PPP1R9A: variants seen among roughly 807,000 people sequenced by gnomAD.
PPP1R9A encodes the protein protein phosphatase 1 regulatory subunit 9A.
In PPP1R9A, 59 loss-of-function variants were observed where a neutral mutation model predicts 141.9. That is an observed-to-expected ratio of 0.42 (90% CI 0.34 to 0.52). PPP1R9A has a LOEUF of 0.52. Among genes scored for constraint, PPP1R9A ranks in the 20% least tolerant of loss-of-function variants. The pLI, the probability that PPP1R9A is intolerant of heterozygous loss-of-function variation, is 0.10. For synonymous variants in PPP1R9A, 500 were observed against 569.7 expected (o/e 0.88, Z 1.74); for missense variants, 1,444 against 1,611.9 (o/e 0.90, Z 1.78).
Position 95,082,521 on chromosome 7 carries a change from C to T in PPP1R9A, c.1396-28738C>T, listed in dbSNP as rs923424501. Among the ~76,000 whole-genome samples, 22 of 151,856 alleles carry T rather than the reference C, an allele frequency of 1.4e-4. 1 individual carries two copies. Among genetic ancestry groups the T allele is most frequent in the African/African-American group, 5.1e-4 (21 of 41,182 alleles). On this transcript the variant is annotated intron_variant, in intron 2 of 19. Coordinates refer to ENST00000433360, the MANE Select transcript of PPP1R9A (RefSeq NM_001166160.2). ...TTGGGAGGCCAAGTCAGGAGAACTGCTAGAGGCTTGGAGTGGGAGACCAGC... is the reference window on the plus strand; with the variant it reads ...TTGGGAGGCCAAGTCAGGAGAACTGTTAGAGGCTTGGAGTGGGAGACCAGC...
Position 95,226,126 on chromosome 7 carries a change from T to G in PPP1R9A, c.2112+10T>G. 6.2e-7 allele frequency: 1 copy of G among 1,606,270 alleles called. No individual in the cohort carries two copies. ...TCACAAGTTCAAAGAGGTATGCCAC[T>G]AAGCTGCAAAATATTTCTTTATGCC... On this transcript the variant is annotated intron_variant, in intron 8 of 19. Transcript: ENST00000433360.
intron 4 of PPP1R9A, among the ~76,000 whole-genome samples, chr7:95,140,536 A>G (rs1245935862): frequency 6.6e-6 from 1 of 152,006 alleles, no homozygotes; most frequent in Non-Finnish European, 1.5e-5. Context: ...GACTACAGGC[A>G]TGCCATTGTG....
intron 2 of PPP1R9A, among the ~76,000 whole-genome samples, chr7:94,927,116 G>C (rs1013960574): frequency 1.3e-5 from 2 of 152,046 alleles, no homozygotes; most frequent in African/African-American, 2.4e-5. Flanking sequence ...GGAAGAGAAT[G>C]GTTAAGCTGT....
intron 5 of PPP1R9A, among the ~76,000 whole-genome samples, chr7:95,163,186 T>C (rs1563338072): frequency 1.3e-5 from 2 of 152,360 alleles, no homozygotes; most frequent in East Asian, 3.9e-4. Context: ...CATTTCTCAG[T>C]TGGAAAAGAA....
intron 3 of PPP1R9A, among the ~76,000 whole-genome samples, chr7:95,120,090 G>T (rs1822282870): frequency 1.3e-5 from 2 of 151,308 alleles, no homozygotes; most frequent in Admixed American, 1.3e-4. Context: ...CCAAGTAGCT[G>T]GGACTACAAG....
chr7:95,033,209 T>C (rs540109998), intron 2 of PPP1R9A, among the ~76,000 whole-genome samples: 1 of 148,772 alleles, frequency 6.7e-6, no homozygotes, highest in South Asian at 2.1e-4. Flanking sequence ...AGAGACGGGT[T>C]TTCACCGTGT....
At chr7:95,253,232 A>G (rs1036509711) in intron 12 of PPP1R9A, among the ~76,000 whole-genome samples, 1 of 152,210 alleles carries the variant, frequency 6.6e-6, no homozygotes, top group African/African-American at 2.4e-5. Flanking sequence ...GACAGGACCG[A>G]CAACTCAGAG....
intron 16 of PPP1R9A, among the ~76,000 whole-genome samples, chr7:95,283,092 G>A (rs2285694): frequency 0.079 from 11,964 of 152,026 alleles, 559 homozygotes; most frequent in Admixed American, 0.12. Context: ...TCCATCAAAC[G>A]GCAAGGGTGA....
At chr7:95,160,541 G>A (rs897182826) in intron 4 of PPP1R9A, among the ~76,000 whole-genome samples, 1 of 148,976 alleles carries the variant, frequency 6.7e-6, no homozygotes, top group Non-Finnish European at 1.5e-5. Flanking sequence ...TTGTATTTTT[G>A]ATTCAGGGGG....
intron 2 of PPP1R9A, among the ~76,000 whole-genome samples, chr7:94,939,335 G>A (rs188803515): frequency 1.1e-3 from 173 of 152,184 alleles, no homozygotes; most frequent in African/African-American, 3.9e-3. Flanking sequence ...TATTATTATG[G>A]CAGCACTTAC....
chr7:95,111,467 C>CT lies in PPP1R9A; in HGVS notation c.1528+82dup, dbSNP rs549307170. On this transcript the variant is annotated intron_variant, in intron 3 of 19. Coordinates refer to ENST00000433360, the MANE Select transcript of PPP1R9A (RefSeq NM_001166160.2). ...CAGAATTATTTTTCCAAAATGTAGC[C>CT]TTTTTTCTAAGGATTGGATAAAATT... 1,192 of 1,360,842 alleles carry CT rather than the reference C, an allele frequency of 8.8e-4. 5 individuals are homozygous for CT. Among genetic ancestry groups the CT allele is most frequent in the East Asian group, 1.0e-3 (43 of 41,224 alleles). The allele number at this position is 1,360,842 out of a possible 1,614,324, so 84.3% of individuals were successfully genotyped here. A position where few individuals can be genotyped will look rare whatever the true frequency, so the allele number is the denominator to read the frequency against.
chr7:95,020,025 C>A (rs764754841), intron 2 of PPP1R9A, among the ~76,000 whole-genome samples: 10 of 148,264 alleles, frequency 6.7e-5, no homozygotes, highest in Non-Finnish European at 1.2e-4. Flanking sequence ...TCAAAAGGAA[C>A]AAATGGCTAT....
chr7:94,971,687 A>G (rs76305587), intron 2 of PPP1R9A, among the ~76,000 whole-genome samples: 10,895 of 152,246 alleles, frequency 0.072, 520 homozygotes, highest in African/African-American at 0.14. Context: ...ATTGCAGGTC[A>G]GCGGAGAAGC....
At chr7:94,964,310 A>G (rs866564722) in intron 2 of PPP1R9A, among the ~76,000 whole-genome samples, 1 of 151,790 alleles carries the variant, frequency 6.6e-6, no homozygotes. Flanking sequence ...ATTATCTGGG[A>G]GTGTATGGTT....
At chr7:95,009,888 C>T (rs1033199840) in intron 2 of PPP1R9A, among the ~76,000 whole-genome samples, 1 of 151,996 alleles carries the variant, frequency 6.6e-6, no homozygotes, top group Non-Finnish European at 1.5e-5. Flanking sequence ...AAAATAGTTC[C>T]TCAGGTTTTG....
At chr7:95,061,539 C>T (rs909445707) in intron 2 of PPP1R9A, among the ~76,000 whole-genome samples, 3 of 151,986 alleles carry the variant, frequency 2.0e-5, no homozygotes, top group Admixed American at 6.6e-5. Context: ...AGTTTGAGAC[C>T]AGGCTGGGCA....
chr7:95,065,807 A>G (rs1812859930), intron 2 of PPP1R9A, among the ~76,000 whole-genome samples: 1 of 152,192 alleles, frequency 6.6e-6, no homozygotes, highest in Non-Finnish European at 1.5e-5. Flanking sequence ...ACACAATTTC[A>G]ATTTTTTTAA....
In PPP1R9A at chr7:95,131,591, C is replaced by T. The variant is rs558649540; in HGVS notation, c.1649+10759C>T. Among the ~76,000 whole-genome samples, 14 of 150,100 alleles carry T rather than the reference C, an allele frequency of 9.3e-5. No homozygotes were observed. In the East Asian group the frequency reaches 9.7e-4, roughly 10 times the overall value. ...CCTCCTGCTTTGTTCTTTTTGCTTA[C>T]GATTGCTTTGGCTATTTCAGCTCTT... On this transcript the variant is annotated intron_variant, in intron 4 of 19. Transcript: ENST00000433360.
At chr7:94,985,881 A>G (rs1486031970) in intron 2 of PPP1R9A, among the ~76,000 whole-genome samples, 1 of 152,200 alleles carries the variant, frequency 6.6e-6, no homozygotes, top group African/African-American at 2.4e-5. Context: ...GGCAATTGCC[A>G]TGTATGGATG....
Sources: allele counts gnomAD v4.1 joint callset (sites outside exome capture counted in the v4.1 genomes callset), GRCh38; gene constraint gnomAD v4.1.1; transcripts MANE v1.5; gene names NCBI Gene and HGNC (gene_info 2026-07-23, HGNC 2026-07-21).